The following DOK6 variants were observed in gnomAD, a reference collection of about 807,000 sequenced individuals.
DOK6 encodes docking protein 6.
Under a neutral mutation model 44.0 loss-of-function variants are expected in DOK6, and 22 were observed. That is an observed-to-expected ratio of 0.50 (90% CI 0.36 to 0.71). The LOEUF (loss-of-function observed/expected upper bound fraction) is 0.71. DOK6 is among the 30% of genes least tolerant of loss of function. The pLI, the probability that DOK6 is intolerant of heterozygous loss-of-function variation, is 0.00. For missense variants in DOK6, 340 were observed against 416.4 expected, an observed-to-expected ratio of 0.82 and a Z score of 1.60; for synonymous variants, 166 against 145.5, an observed-to-expected ratio of 1.14 and a Z score of -1.01.
chr18:69,733,287 T>G (rs1371564679), intron 5 of DOK6, among the ~76,000 whole-genome samples: 1 of 152,232 alleles, frequency 6.6e-6, no homozygotes, highest in African/African-American at 2.4e-5. Context: ...CCTTCTATAC[T>G]TAAACCCCAT....
intron 7 of DOK6, among the ~76,000 whole-genome samples, chr18:69,813,799 G>A (rs1408681806): frequency 1.3e-5 from 2 of 152,050 alleles, no homozygotes; most frequent in African/African-American, 4.8e-5. Context: ...AGACCTTACT[G>A]TAACCTAACA....
chr18:69,718,619 C>T (rs10469162), intron 5 of DOK6, among the ~76,000 whole-genome samples: 201 of 152,290 alleles, frequency 1.3e-3, no homozygotes, highest in African/African-American at 4.6e-3. Flanking sequence ...ATGCCATTCT[C>T]AAAGAGTGAG....
chr18:69,643,732 T>A (rs547814007), intron 3 of DOK6: 1 of 152,212 alleles, frequency 6.6e-6, no homozygotes, highest in Non-Finnish European at 1.5e-5. Flanking sequence ...AGGATTTATG[T>A]GGACATGTTT....
intron 7 of DOK6, among the ~76,000 whole-genome samples, chr18:69,803,179 T>G (rs1980953293): frequency 3.3e-5 from 5 of 152,128 alleles, no homozygotes. Context: ...ACCATATTAT[T>G]AAATAATTAT....
intron 7 of DOK6, among the ~76,000 whole-genome samples, chr18:69,818,461 C>G (rs1441405468): frequency 6.6e-6 from 1 of 152,118 alleles, no homozygotes; most frequent in Non-Finnish European, 1.5e-5. Flanking sequence ...GTCCAGGGAC[C>G]AGGCCTCCAG....
intron 1 of DOK6, among the ~76,000 whole-genome samples, chr18:69,497,901 G>T (rs970015880): frequency 6.6e-6 from 1 of 151,930 alleles, no homozygotes; most frequent in South Asian, 2.1e-4. Context: ...GACGTTGGAG[G>T]ATCACTTGAA....
rs1341433698 is a variant in DOK6 at position 69,420,129 on chromosome 18, C to CCA, written c.66+18819_66+18820insCA. ...TTAGCTTTTTAACCAATAAAACATA[C>CCA]AAAAAAACACAGCAAAGTACATTGC... On this transcript the variant is annotated intron_variant, in intron 1 of 7. Coordinates refer to ENST00000382713, the MANE Select transcript of DOK6 (RefSeq NM_152721.6). Among the ~76,000 whole-genome samples, 162 of 151,434 alleles carry CCA rather than the reference C, an allele frequency of 1.1e-3. 1 individual carries two copies. The highest frequency in any genetic ancestry group is 3.7e-3 in the African/African-American group (152 of 41,306).
intron 3 of DOK6, among the ~76,000 whole-genome samples, chr18:69,649,241 A>AT (rs1985159962): frequency 1.3e-5 from 2 of 152,142 alleles, no homozygotes; most frequent in South Asian, 2.1e-4. Context: ...TATTCTATTC[A>AT]TTTTTTAAAA....
intron 7 of DOK6, chr18:69,832,810 C>T (rs1981939621): frequency 6.6e-6 from 1 of 151,500 alleles, no homozygotes; most frequent in African/African-American, 2.4e-5. Context: ...ATTTCATTTA[C>T]AATAGCTATT....
chr18:69,425,282 C>A (rs756794953), intron 1 of DOK6, among the ~76,000 whole-genome samples: 2 of 151,588 alleles, frequency 1.3e-5, no homozygotes, highest in Non-Finnish European at 2.9e-5. Flanking sequence ...ATAATTTTTT[C>A]TTTTCCCACT....
chr18:69,711,454 T>C (rs897876334), intron 5 of DOK6, among the ~76,000 whole-genome samples: 2 of 152,246 alleles, frequency 1.3e-5, no homozygotes, highest in African/African-American at 4.8e-5. Context: ...AATTTTACTT[T>C]TCATGTTGAT....
intron 7 of DOK6, among the ~76,000 whole-genome samples, chr18:69,813,838 G>A (rs547227983): frequency 2.0e-4 from 30 of 152,198 alleles, no homozygotes; most frequent in African/African-American, 7.2e-4. Context: ...GCAAAATCAT[G>A]CAAACTCCTC....
At chr18:69,506,993 T>C (rs1016309299) in intron 1 of DOK6, among the ~76,000 whole-genome samples, 3 of 152,072 alleles carry the variant, frequency 2.0e-5, no homozygotes, top group Non-Finnish European at 4.4e-5. Context: ...TTTGTCAATA[T>C]TTACTTTCTT....
At chr18:69,562,312 C>A (rs17062089) in intron 1 of DOK6, among the ~76,000 whole-genome samples, 1 of 151,532 alleles carries the variant, frequency 6.6e-6, no homozygotes, top group Non-Finnish European at 1.5e-5. Context: ...AAGATTCAGA[C>A]GTGTCAGGTT....
At chr18:69,412,394 A>T (rs534958145) in intron 1 of DOK6, among the ~76,000 whole-genome samples, 89 of 152,208 alleles carry the variant, frequency 5.8e-4, no homozygotes, top group African/African-American at 2.1e-3. Context: ...GTGAAGAAAA[A>T]TAATTATTTT....
At position 69,842,964 on chromosome 18, in the gene DOK6, C is replaced by A. The variant is rs939671219; in HGVS notation, c.*1581C>A. 6.6e-6 allele frequency: 1 copy of A among 151,752 alleles called. No individual in the cohort carries two copies. Among genetic ancestry groups the A allele is most frequent in the Non-Finnish European group, 1.5e-5 (1 of 67,944 alleles). The allele number at this position is 151,752 out of a possible 1,614,324, so 9.4% of individuals were successfully genotyped here. ...GTCTGTTGAAAGGGTACCTTTTTTGCTGATCTCTGATGAGTTGTCTTTTCA... is the reference window on the plus strand; with the variant it reads ...GTCTGTTGAAAGGGTACCTTTTTTGATGATCTCTGATGAGTTGTCTTTTCA... On this transcript the variant is annotated 3_prime_UTR_variant, in exon 8 of 8. Transcript: ENST00000382713.
At chr18:69,596,381 T>C (rs1030245014) in intron 2 of DOK6, among the ~76,000 whole-genome samples, 1 of 152,062 alleles carries the variant, frequency 6.6e-6, no homozygotes, top group African/African-American at 2.4e-5. Flanking sequence ...ATCCAGAAGC[T>C]CAATTAACTC....
chr18:69,675,118 T>TA (rs568872837), intron 3 of DOK6, among the ~76,000 whole-genome samples: 279 of 152,334 alleles, frequency 1.8e-3, no homozygotes, highest in Non-Finnish European at 3.2e-3. Context: ...AGCCCATGAA[T>TA]ACCTCTCATT....
intron 1 of DOK6, among the ~76,000 whole-genome samples, chr18:69,515,292 T>C (rs1355423063): frequency 6.6e-6 from 1 of 152,202 alleles, no homozygotes; most frequent in Non-Finnish European, 1.5e-5. Flanking sequence ...TTGTGGGAGA[T>C]AACCTTTCTA....
Sources: allele counts gnomAD v4.1 joint callset (sites outside exome capture counted in the v4.1 genomes callset), GRCh38; gene constraint gnomAD v4.1.1; transcripts MANE v1.5; gene names NCBI Gene and HGNC (gene_info 2026-07-23, HGNC 2026-07-21).